IMMP2L: variants seen among roughly 807,000 people sequenced by gnomAD.
The protein encoded by IMMP2L is mitochondrial inner membrane protease subunit 2.
Under a neutral mutation model 19.3 loss-of-function variants are expected in IMMP2L, and 18 were observed. The ratio of observed to expected loss-of-function variants is 0.93; its 90% confidence interval spans 0.64 to 1.38. The LOEUF (loss-of-function observed/expected upper bound fraction) is 1.38, where lower values mean the gene tolerates loss of function less well. IMMP2L is among the 40% of genes most tolerant of loss of function. The probability of loss-of-function intolerance (pLI) is 0.00; values close to 1 mark genes in which losing one functional copy is unlikely to be tolerated. For missense variants in IMMP2L, 233 were observed against 218.2 expected (o/e 1.07, Z -0.43); for synonymous variants, 76 against 73.0 (o/e 1.04, Z -0.21).
Position 111,335,519 on chromosome 7 carries a change from A to G in IMMP2L, c.239+151719T>C, listed in dbSNP as rs535847921. 5.3e-5 allele frequency among the ~76,000 whole-genome samples: 8 copies of G among 152,314 alleles called. 1 individual carries two copies. In the South Asian group the frequency reaches 1.7e-3, roughly 32 times the overall value. Reference sequence around the variant, plus strand: ...CGTGAAATTTACAGGTGAAATAAACATGAGAACATGAAGATATCTCCAAGA... The same window carrying G: ...CGTGAAATTTACAGGTGAAATAAACGTGAGAACATGAAGATATCTCCAAGA... On this transcript the variant is annotated intron_variant, in intron 3 of 5. Coordinates refer to ENST00000405709, the MANE Select transcript of IMMP2L (RefSeq NM_032549.4).
chr7:111,230,618 T>C (rs1813609367), intron 3 of IMMP2L, among the ~76,000 whole-genome samples: 1 of 152,080 alleles, frequency 6.6e-6, no homozygotes, highest in Non-Finnish European at 1.5e-5. Context: ...CATTTATTTA[T>C]TCATTCCACC....
intron 3 of IMMP2L, among the ~76,000 whole-genome samples, chr7:111,265,597 A>G (rs1817746384): frequency 6.6e-6 from 1 of 152,184 alleles, no homozygotes; most frequent in Non-Finnish European, 1.5e-5. Context: ...AGGGTTTCAA[A>G]GGGTAGAAGA....
intron 3 of IMMP2L, among the ~76,000 whole-genome samples, chr7:111,439,970 T>C (rs1244705501): frequency 6.6e-6 from 1 of 151,882 alleles, no homozygotes; most frequent in Admixed American, 6.6e-5. Flanking sequence ...AGAAACTACT[T>C]TCTTTGCTGA....
chr7:111,397,275 A>C (rs1832973039), intron 3 of IMMP2L, among the ~76,000 whole-genome samples: 1 of 152,132 alleles, frequency 6.6e-6, no homozygotes, highest in African/African-American at 2.4e-5. Context: ...ATATTATAGG[A>C]GCACTTTCAA....
At chr7:111,036,827 G>A (rs950054514) in intron 3 of IMMP2L, among the ~76,000 whole-genome samples, 4 of 151,810 alleles carry the variant, frequency 2.6e-5, no homozygotes, top group Admixed American at 1.3e-4. Flanking sequence ...TCAAAACTGG[G>A]GTCACTTATT....
rs544326037 is a variant in IMMP2L, at chr7:110,913,272, T to C, written c.306-26577A>G. ...CCAGCTAAAAATATGACAATGAGAT[T>C]TGATGCGCATCAAGGGACCAAAAGC... On this transcript the variant is annotated intron_variant, in intron 4 of 5. Coordinates refer to ENST00000405709, the MANE Select transcript of IMMP2L (RefSeq NM_032549.4). Among the ~76,000 whole-genome samples the C allele has an allele frequency of 1.2e-3, 181 of 152,214 alleles. 1 individual carries two copies. Among genetic ancestry groups the C allele is most frequent in the Admixed American group, 1.5e-3 (23 of 15,274 alleles).
At chr7:111,083,695 G>A (rs530812492) in intron 3 of IMMP2L, among the ~76,000 whole-genome samples, 13 of 152,274 alleles carry the variant, frequency 8.5e-5, no homozygotes, top group South Asian at 2.1e-4. Context: ...ACTGCCTCAC[G>A]GTACTGTAAG....
At chr7:110,674,551 A>C (rs2130373820) in intron 5 of IMMP2L, among the ~76,000 whole-genome samples, 1 of 152,344 alleles carries the variant, frequency 6.6e-6, no homozygotes, top group African/African-American at 2.4e-5. Context: ...TAGCAGCGTA[A>C]GAAGAGAGAG....
chr7:111,185,791 A>T (rs1808204839), intron 3 of IMMP2L, among the ~76,000 whole-genome samples: 1 of 152,216 alleles, frequency 6.6e-6, no homozygotes, highest in Non-Finnish European at 1.5e-5. Flanking sequence ...ATGAAATAAC[A>T]TGAGAAGTAT....
At chr7:111,537,036 T>G (rs1181421754) in intron 1 of IMMP2L, among the ~76,000 whole-genome samples, 1 of 152,100 alleles carries the variant, frequency 6.6e-6, no homozygotes, top group African/African-American at 2.4e-5. Context: ...TCTTTTGGTA[T>G]TTACCCCTTT....
At chr7:110,753,955 G>C (rs576281783) in intron 5 of IMMP2L, among the ~76,000 whole-genome samples, 1 of 151,854 alleles carries the variant, frequency 6.6e-6, no homozygotes, top group Admixed American at 6.6e-5. Context: ...AAGGTTTTGG[G>C]GCACCATCTA....
At chr7:110,707,038 G>C (rs1444961063) in intron 5 of IMMP2L, among the ~76,000 whole-genome samples, 2 of 110,310 alleles carry the variant, frequency 1.8e-5, no homozygotes, top group Non-Finnish European at 1.9e-5. Context: ...AAGTTTTAGG[G>C]TACATGTGCA....
chr7:110,957,094 A>G (rs961483284), intron 4 of IMMP2L, among the ~76,000 whole-genome samples: 2 of 151,964 alleles, frequency 1.3e-5, no homozygotes, highest in Admixed American at 6.6e-5. Flanking sequence ...CATTATGAAA[A>G]TGACTGCATT....
rs113545345 is a variant in IMMP2L, at chr7:111,228,371, T to C, written c.239+258867A>G. ...CTATCAATTTGTATTAGGAGATGAA[T>C]AGGTTCTCATTAAAAAAAAATGAGA... On this transcript the variant is annotated intron_variant, in intron 3 of 5. Transcript: ENST00000405709. Among the ~76,000 whole-genome samples, 479 of 151,982 alleles carry C rather than the reference T, an allele frequency of 3.2e-3. 2 individuals are homozygous for C. The highest frequency in any genetic ancestry group is 0.011 in the African/African-American group (455 of 41,466).
At chr7:110,857,717 C>T (rs1585047015) in intron 5 of IMMP2L, among the ~76,000 whole-genome samples, 1 of 151,998 alleles carries the variant, frequency 6.6e-6, no homozygotes, top group Non-Finnish European at 1.5e-5. Context: ...ACTTGAGGCT[C>T]CTCTATATTT....
chr7:111,104,097 G>A (rs997514545), intron 3 of IMMP2L, among the ~76,000 whole-genome samples: 1 of 151,602 alleles, frequency 6.6e-6, no homozygotes, highest in African/African-American at 2.4e-5. Flanking sequence ...TCATATCTCT[G>A]AGTTTGGGCC....
intron 3 of IMMP2L, among the ~76,000 whole-genome samples, chr7:111,441,348 C>G (rs192032052): frequency 6.6e-6 from 1 of 151,892 alleles, no homozygotes; most frequent in Non-Finnish European, 1.5e-5. Flanking sequence ...TTTACTTGCA[C>G]ACTTGCCATT....
intron 3 of IMMP2L, among the ~76,000 whole-genome samples, chr7:111,263,824 G>A (rs1294731508): frequency 6.6e-6 from 1 of 152,112 alleles, no homozygotes; most frequent in Non-Finnish European, 1.5e-5. Flanking sequence ...CTGGAAGCCA[G>A]GGGAAGAAAG....
intron 3 of IMMP2L, among the ~76,000 whole-genome samples, chr7:111,270,057 C>CTGTGTGTGTG (rs58848663): frequency 1.1e-4 from 16 of 140,520 alleles, no homozygotes; most frequent in African/African-American, 3.4e-4. Flanking sequence ...GCATGTGTGT[C>CTGTGTGTGTG]TGTGTGTGTG....
Sources: gnomAD v4.1 joint callset for allele counts (sites outside exome capture counted in the v4.1 genomes callset) on GRCh38, gnomAD v4.1.1 for gene constraint, MANE v1.5 for transcripts, NCBI Gene and HGNC (gene_info 2026-07-23, HGNC 2026-07-21) for gene names.